The following MGAT4C variants were observed in gnomAD, a reference collection of about 807,000 sequenced individuals.
The protein encoded by MGAT4C is MGAT4 family member C.
MGAT4C carries 19 observed loss-of-function variants against 40.1 expected under a neutral mutation model. That is an observed-to-expected ratio of 0.47 (90% CI 0.33 to 0.70). The LOEUF (loss-of-function observed/expected upper bound fraction) is 0.70, where lower values mean the gene tolerates loss of function less well. Among genes scored for constraint, MGAT4C ranks in the 30% least tolerant of loss-of-function variants. MGAT4C has a pLI of 0.02. For synonymous variants in MGAT4C, 181 were observed against 187.1 expected, an observed-to-expected ratio of 0.97 and a Z score of 0.27; for missense variants, 491 against 563.2, an observed-to-expected ratio of 0.87 and a Z score of 1.30.
Position 86,791,431 on chromosome 12 carries a change from G to GT in MGAT4C, c.-262+47234dup, listed in dbSNP as rs77404320. 5.2e-4 allele frequency among the ~76,000 whole-genome samples: 75 copies of GT among 144,122 alleles called. 1 individual carries two copies. Among genetic ancestry groups the GT allele is most frequent in the Admixed American group, 1.1e-3 (16 of 14,564 alleles). The allele number at this position is 144,122 out of a possible 152,430, so 94.5% of individuals were successfully genotyped here. Reference sequence around the variant, plus strand: ...GCAAAGAAACATGCTGCTTTAAACTGTTTTTTTTTTTTTTTTTTTTTCCTC... The same window carrying GT: ...GCAAAGAAACATGCTGCTTTAAACTGTTTTTTTTTTTTTTTTTTTTTTCCTC... On this transcript the variant is annotated intron_variant, in intron 1 of 7. Coordinates refer to the MGAT4C transcript ENST00000548651.
chr12:86,074,721 A>G (rs1592859740), intron 1 of MGAT4C, among the ~76,000 whole-genome samples: 1 of 152,198 alleles, frequency 6.6e-6, no homozygotes. Context: ...AAGCCTCACA[A>G]TCATTACACA....
chr12:86,413,002 G>A (rs1956636026), intron 3 of MGAT4C, among the ~76,000 whole-genome samples: 1 of 152,042 alleles, frequency 6.6e-6, no homozygotes, highest in Non-Finnish European at 1.5e-5. Flanking sequence ...TCCTGCTCTG[G>A]CCATGTAAGG....
chr12:86,097,311 T>G (rs1422200671), intron 1 of MGAT4C, among the ~76,000 whole-genome samples: 1 of 151,644 alleles, frequency 6.6e-6, no homozygotes, highest in African/African-American at 2.4e-5. Context: ...ATGTTAACTT[T>G]TGTAGAAAAT....
intron 2 of MGAT4C, among the ~76,000 whole-genome samples, chr12:86,048,378 T>C (rs1228875671): frequency 6.6e-6 from 1 of 152,046 alleles, no homozygotes; most frequent in Non-Finnish European, 1.5e-5. Flanking sequence ...GCTTGCTACC[T>C]GAGTGAATGT....
intron 1 of MGAT4C, among the ~76,000 whole-genome samples, chr12:86,219,474 T>C (rs1233197130): frequency 1.3e-5 from 2 of 152,226 alleles, no homozygotes; most frequent in African/African-American, 4.8e-5. Context: ...TTGGATCATT[T>C]GAACACTTAC....
chr12:86,482,756 T>G (rs1361018316), intron 2 of MGAT4C, among the ~76,000 whole-genome samples: 1 of 152,158 alleles, frequency 6.6e-6, no homozygotes, highest in Non-Finnish European at 1.5e-5. Flanking sequence ...AATTAAGATG[T>G]CCAATGAAAT....
chr12:86,239,594 G>A (rs61949042), intron 1 of MGAT4C, among the ~76,000 whole-genome samples: 10,252 of 152,010 alleles, frequency 0.067, 489 homozygotes, highest in Middle Eastern at 0.21. Flanking sequence ...GCATTCTTAT[G>A]TGGAAAGTAG....
chr12:86,722,626 C>T (rs1950755951), intron 2 of MGAT4C, among the ~76,000 whole-genome samples: 2 of 152,142 alleles, frequency 1.3e-5, no homozygotes, highest in African/African-American at 4.8e-5. Context: ...CAACAGTCAA[C>T]CATAAAATAA....
At chr12:86,442,185 G>A (rs550003952) in intron 2 of MGAT4C, among the ~76,000 whole-genome samples, 5 of 152,214 alleles carry the variant, frequency 3.3e-5, no homozygotes, top group African/African-American at 1.2e-4. Context: ...ACTTTTTGAT[G>A]GGATTGTTTG....
intron 2 of MGAT4C, among the ~76,000 whole-genome samples, chr12:86,484,909 A>G (rs17014023): frequency 0.014 from 2,088 of 152,252 alleles, 41 homozygotes; most frequent in African/African-American, 0.048. Context: ...AATACAATAT[A>G]GCCACACAGC....
Position 85,963,947 on chromosome 12 carries a change from G to A in MGAT4C, c.*15342C>T, listed in dbSNP as rs954109059. On this transcript the variant is annotated 3_prime_UTR_variant, in exon 5 of 5. Coordinates refer to ENST00000611864, the MANE Select transcript of MGAT4C (RefSeq NM_001351288.2). ...GAGTAAAATGGGAAAAAATCATATT[G>A]GGTAAATAGTATCACCCCAAAGTGA... 3 of 151,884 alleles carry A rather than the reference G, an allele frequency of 2.0e-5. No homozygotes were observed. The highest frequency in any genetic ancestry group is 7.2e-5 in the African/African-American group (3 of 41,402). 9.4% of individuals were successfully genotyped at this position (151,884 alleles called of 1,614,324 possible).
In MGAT4C at chr12:86,176,141, A is replaced by G. The variant is rs149423621; in HGVS notation, c.-57+80098T>C. On this transcript the variant is annotated intron_variant, in intron 1 of 4. Coordinates refer to ENST00000611864, the MANE Select transcript of MGAT4C (RefSeq NM_001351288.2). ...AATCATTGCTTTAATCTAACCTAAC[A>G]CATTCTCCATGACTTCTCTAGCTTG... 3.3e-5 allele frequency among the ~76,000 whole-genome samples: 5 copies of G among 152,284 alleles called. No homozygotes were observed. In the East Asian group the frequency reaches 7.7e-4, roughly 24 times the overall value.
intron 4 of MGAT4C, among the ~76,000 whole-genome samples, chr12:86,284,296 A>T (rs1953291964): frequency 6.6e-6 from 1 of 151,860 alleles, no homozygotes; most frequent in African/African-American, 2.4e-5. Flanking sequence ...ATAAATATAT[A>T]CTAAATGCAC....
chr12:86,724,487 C>T (rs1193699996), intron 2 of MGAT4C, among the ~76,000 whole-genome samples: 1 of 152,088 alleles, frequency 6.6e-6, no homozygotes, highest in African/African-American at 2.4e-5. Flanking sequence ...TCTGGCCTAC[C>T]ATATTATATG....
chr12:86,172,027 G>GTTAC (rs1886908309), intron 1 of MGAT4C, among the ~76,000 whole-genome samples: 1 of 152,112 alleles, frequency 6.6e-6, no homozygotes, highest in Admixed American at 6.6e-5. Context: ...GTATGAGGAG[G>GTTAC]TTACTTACCA....
At chr12:86,121,904 C>A (rs1032382432) in intron 1 of MGAT4C, among the ~76,000 whole-genome samples, 2 of 152,130 alleles carry the variant, frequency 1.3e-5, no homozygotes, top group Admixed American at 6.6e-5. Flanking sequence ...AAGGGTTATA[C>A]AAATGATTAA....
At chr12:86,703,134 T>C (rs1593131471) in intron 2 of MGAT4C, among the ~76,000 whole-genome samples, 1 of 152,132 alleles carries the variant, frequency 6.6e-6, no homozygotes, top group African/African-American at 2.4e-5. Flanking sequence ...AATCTCATGA[T>C]CACACGTAAA....
At chr12:86,492,219 G>A (rs1025076692) in intron 2 of MGAT4C, among the ~76,000 whole-genome samples, 8 of 152,112 alleles carry the variant, frequency 5.3e-5, no homozygotes, top group African/African-American at 1.9e-4. Flanking sequence ...TGGCCATATT[G>A]CCCAAGGTAA....
intron 2 of MGAT4C, among the ~76,000 whole-genome samples, chr12:86,638,972 TA>T (rs1157622762): frequency 6.6e-6 from 1 of 151,824 alleles, no homozygotes; most frequent in Non-Finnish European, 1.5e-5. Flanking sequence ...CAATATGATG[TA>T]AAAAATGTCA....
Sources: gnomAD v4.1 joint callset for allele counts (sites outside exome capture counted in the v4.1 genomes callset) on GRCh38, gnomAD v4.1.1 for gene constraint, MANE v1.5 for transcripts, NCBI Gene and HGNC (gene_info 2026-07-23, HGNC 2026-07-21) for gene names.